The following BLOC1S5 variants were observed in gnomAD, a reference collection of about 807,000 sequenced individuals.
The protein encoded by BLOC1S5 is biogenesis of lysosome-related organelles complex 1 subunit 5.
Under a neutral mutation model 24.3 loss-of-function variants are expected in BLOC1S5, and 27 were observed. That is an observed-to-expected ratio of 1.11 (90% CI 0.82 to 1.53). BLOC1S5 has a LOEUF of 1.53. BLOC1S5 is among the 40% of genes most tolerant of loss of function. The pLI, the probability that BLOC1S5 is intolerant of heterozygous loss-of-function variation, is 0.00. For missense variants in BLOC1S5, 239 were observed against 229.4 expected (o/e 1.04, Z -0.27); for synonymous variants, 84 against 74.5 (o/e 1.13, Z -0.66).
At chr6:8,022,098 G>A (rs1450470612) in intron 4 of BLOC1S5, among the ~76,000 whole-genome samples, 1 of 151,872 alleles carries the variant, frequency 6.6e-6, no homozygotes, top group Non-Finnish European at 1.5e-5. Flanking sequence ...AAAGAAGTCT[G>A]GATTACAAAA....
chr6:8,021,392 A>G (rs1011086311), intron 4 of BLOC1S5, among the ~76,000 whole-genome samples: 2 of 152,182 alleles, frequency 1.3e-5, no homozygotes, highest in Non-Finnish European at 2.9e-5. Flanking sequence ...TGAGGTCAGG[A>G]GTTCGAGACC....
At chr6:8,039,892 T>C (rs769792936) in intron 3 of BLOC1S5, among the ~76,000 whole-genome samples, 2 of 152,170 alleles carry the variant, frequency 1.3e-5, no homozygotes, top group Non-Finnish European at 2.9e-5. Flanking sequence ...ATACAGATGA[T>C]ATTGAAAGGC....
At chr6:8,020,998 A>G (rs953431595) in intron 4 of BLOC1S5, among the ~76,000 whole-genome samples, 15 of 152,214 alleles carry the variant, frequency 9.9e-5, no homozygotes, top group South Asian at 4.1e-4. Context: ...GGGAGAACCT[A>G]AACGTCCATA....
intron 3 of BLOC1S5, among the ~76,000 whole-genome samples, chr6:8,033,228 T>C (rs191571666): frequency 2.0e-5 from 3 of 152,216 alleles, no homozygotes; most frequent in African/African-American, 7.2e-5. Flanking sequence ...CTTAAAACTA[T>C]ACTACAAGGC....
chr6:8,047,211 A>T (rs1763937562), intron 2 of BLOC1S5, among the ~76,000 whole-genome samples: 2 of 126,322 alleles, frequency 1.6e-5, no homozygotes, highest in Non-Finnish European at 3.4e-5. Flanking sequence ...GTCAACAGTA[A>T]TTTTTTTTTT....
At chr6:8,015,861 T>C (rs1394969204) in intron 4 of BLOC1S5, 33 bp from the exon 5 acceptor site, 5 of 1,557,132 alleles carry the variant, frequency 3.2e-6, no homozygotes, top group Admixed American at 3.8e-5. Context: ...TCACACGACA[T>C]TTTCCAGACA....
Position 8,015,753 on chromosome 6 carries a change from T to C in BLOC1S5, c.460A>G (p.Asn154Asp). ...QWDNFMKEQP[N>D]KRAEVDEEHR... is the part of the protein sequence containing the mutation. ...TCTTCATCCACTTCAGCCCTTTTGT[T>C]GGGTTGCTCCTTCATGAAGTTGTCC... Residue 154 changes from asparagine to aspartate, a missense_variant, in exon 5 of 5, where the codon AAC becomes GAC. Coordinates refer to ENST00000397457, the MANE Select transcript of BLOC1S5 (RefSeq NM_201280.3). 2.5e-6 allele frequency: 4 copies of C among 1,614,196 alleles called. No individual in the cohort carries two copies. The highest frequency in any genetic ancestry group is 3.4e-6 in the Non-Finnish European group (4 of 1,180,022).
chr6:8,042,161 G>A (rs972782143), intron 2 of BLOC1S5, among the ~76,000 whole-genome samples: 1 of 152,100 alleles, frequency 6.6e-6, no homozygotes. Context: ...AATACTAAAA[G>A]AACCAGAAAA....
intron 2 of BLOC1S5, among the ~76,000 whole-genome samples, chr6:8,057,297 GA>G (rs1182069234): frequency 2.4e-4 from 36 of 152,212 alleles, no homozygotes; most frequent in African/African-American, 7.7e-4. Context: ...AAAGACGTTA[GA>G]AAGTCTCTTC....
At position 8,030,834 on chromosome 6, in the gene BLOC1S5, T is replaced by C. The variant is rs372958101; in HGVS notation, c.326-4409A>G. ...TTGCAGTGAGCCAAGATCACGCCACTGCACTCCAGCCTGAGCAACAGACCA... is the reference window on the plus strand; with the variant it reads ...TTGCAGTGAGCCAAGATCACGCCACCGCACTCCAGCCTGAGCAACAGACCA... On this transcript the variant is annotated intron_variant, in intron 3 of 4. Transcript: ENST00000397457. Among the ~76,000 whole-genome samples, 11 of 142,044 alleles carry C rather than the reference T, an allele frequency of 7.7e-5. No homozygotes were observed. The East Asian group carries it at 2.1e-3, about 28-fold the overall frequency. The allele number at this position is 142,044 out of a possible 152,430, so 93.2% of individuals were successfully genotyped here.
chr6:8,050,003 T>C (rs574374388), intron 2 of BLOC1S5, among the ~76,000 whole-genome samples: 29 of 152,306 alleles, frequency 1.9e-4, no homozygotes, highest in Admixed American at 5.2e-4. Context: ...TGAGCCACTG[T>C]GTCCGGTGGA....
At chr6:8,057,790 T>C (rs1307844431) in intron 2 of BLOC1S5, among the ~76,000 whole-genome samples, 3 of 152,238 alleles carry the variant, frequency 2.0e-5, no homozygotes, top group Non-Finnish European at 4.4e-5. Flanking sequence ...TATTGCACTA[T>C]TAAATACTTT....
chr6:8,055,007 T>C (rs953462796), intron 2 of BLOC1S5, among the ~76,000 whole-genome samples: 1 of 152,240 alleles, frequency 6.6e-6, no homozygotes, highest in African/African-American at 2.4e-5. Flanking sequence ...TTCTTTTTCC[T>C]GAATTCTTTC....
chr6:8,042,505 G>A (rs1763731033), intron 2 of BLOC1S5, among the ~76,000 whole-genome samples: 1 of 152,216 alleles, frequency 6.6e-6, no homozygotes, highest in Non-Finnish European at 1.5e-5. Flanking sequence ...GTGGTTCACT[G>A]TGCCTAAATG....
chr6:8,052,036 G>A (rs987697722), intron 2 of BLOC1S5, among the ~76,000 whole-genome samples: 34 of 140,182 alleles, frequency 2.4e-4, no homozygotes, highest in East Asian at 4.5e-4. Flanking sequence ...GTGCGATCTC[G>A]GCTCACTGCA....
chr6:8,024,152 G>A (rs1405764760), intron 4 of BLOC1S5, among the ~76,000 whole-genome samples: 1 of 151,848 alleles, frequency 6.6e-6, no homozygotes, highest in Non-Finnish European at 1.5e-5. Flanking sequence ...CAACATTTCA[G>A]TATATTTTAA....
chr6:8,034,969 A>T (rs1763437155), intron 3 of BLOC1S5, among the ~76,000 whole-genome samples: 1 of 151,820 alleles, frequency 6.6e-6, no homozygotes, highest in Non-Finnish European at 1.5e-5. Flanking sequence ...ACACACACAC[A>T]CACATACACA....
At chr6:8,053,904 C>A (rs1764221905) in intron 2 of BLOC1S5, among the ~76,000 whole-genome samples, 1 of 152,108 alleles carries the variant, frequency 6.6e-6, no homozygotes, top group Admixed American at 6.6e-5. Flanking sequence ...TATGTTTACA[C>A]TAACACAGAT....
Position 8,041,144 on chromosome 6 carries a change from T to TGGA in BLOC1S5, c.317_319dup (p.Leu106dup). 6.3e-7 allele frequency: 1 copy of TGGA among 1,585,478 alleles called. No individual in the cohort carries two copies. Among genetic ancestry groups the TGGA allele is most frequent in the Non-Finnish European group, 8.6e-7 (1 of 1,168,766 alleles). Reference sequence around the variant, plus strand: ...AAAAAGAATTGCTGACTCACATCTCTGGAGAACCTGGCTGAGGCTGTCCCG... The same window carrying TGGA: ...AAAAAGAATTGCTGACTCACATCTCTGGAGGAGAACCTGGCTGAGGCTGTCCCG... On this transcript the variant is annotated inframe_insertion, in exon 3 of 5. Coordinates refer to ENST00000397457, the MANE Select transcript of BLOC1S5 (RefSeq NM_201280.3).
Sources: gnomAD v4.1 joint callset for allele counts (sites outside exome capture counted in the v4.1 genomes callset) on GRCh38, gnomAD v4.1.1 for gene constraint, MANE v1.5 for transcripts, NCBI Gene and HGNC (gene_info 2026-07-23, HGNC 2026-07-21) for gene names.